The following DYSF variants were observed in gnomAD, a reference collection of about 807,000 sequenced individuals.
The protein encoded by DYSF is dysferlin.
A neutral mutation model predicts 274.9 loss-of-function variants in DYSF; 212 were observed. The observed-to-expected ratio is 0.77, with a 90% CI of 0.69 to 0.86. DYSF has a LOEUF of 0.86. Ranked by LOEUF, DYSF falls within the 40% of genes least tolerant of loss-of-function variation. The probability of loss-of-function intolerance (pLI) is 0.00; values close to 1 mark genes in which losing one functional copy is unlikely to be tolerated. For missense variants in DYSF, 2,666 were observed against 2,783.2 expected (o/e 0.96, Z 0.95); for synonymous variants, 1,091 against 1,078.7 (o/e 1.01, Z -0.22).
chr2:71,641,844 A>G (rs141967615), intron 41 of DYSF, among the ~76,000 whole-genome samples: 6 of 152,284 alleles, frequency 3.9e-5, no homozygotes, highest in South Asian at 2.1e-4. Flanking sequence ...TTATTGCAGT[A>G]TGGTCAGAAA....
At chr2:71,520,971 C>A in intron 12 of DYSF, 67 bp downstream of exon 12, 2 of 1,347,858 alleles carry the variant, frequency 1.5e-6, no homozygotes, top group Non-Finnish European at 1.1e-6. Context: ...AGGCACCAAA[C>A]CACAAACAAA....
chr2:71,646,250 T>C (rs930547077), intron 42 of DYSF, among the ~76,000 whole-genome samples: 1 of 152,222 alleles, frequency 6.6e-6, no homozygotes, highest in African/African-American at 2.4e-5. Flanking sequence ...TGTGGTCCTG[T>C]GGCCTTGCCA....
chr2:71,466,919 G>C lies in DYSF; in HGVS notation c.77G>C (p.Ser26Thr), dbSNP rs1342818734. 1.3e-6 allele frequency: 2 copies of C among 1,549,984 alleles called. No individual in the cohort carries two copies. Among genetic ancestry groups the C allele is most frequent in the African/African-American group, 2.7e-5 (2 of 73,054 alleles). Residue 26 changes from serine (S) to threonine (T), a missense_variant, in exon 1 of 56, where the codon AGC becomes ACC. Coordinates refer to ENST00000410020, the MANE Select transcript of DYSF (RefSeq NM_001130987.2). ...KKDRRSDPVASLTFRGVKKRT... is the reference protein window; with the variant it reads ...KKDRRSDPVATLTFRGVKKRT... ...GACCGGCGCAGCGACCCTGTCGCAA[G>C]CCTGACTTTCCGAGGTGAGAGCCCC... is the stretch of plus-strand genomic sequence containing the variant.
chr2:71,641,803 AT>A (rs1205600832), intron 41 of DYSF, among the ~76,000 whole-genome samples: 1 of 152,090 alleles, frequency 6.6e-6, no homozygotes, highest in Admixed American at 6.5e-5. Context: ...AAAGGTTAGT[AT>A]TTTATTTAAA....
chr2:71,475,179 C>T lies in DYSF; in HGVS notation c.92-5704C>T, dbSNP rs190997441. ...AAGTGGTTCAGCCAGGACCCTTCCC[C>T]CACATGGCGCCTCCTTTCTTCCTCC... On this transcript the variant is annotated intron_variant, in intron 1 of 55. Coordinates refer to ENST00000410020, the MANE Select transcript of DYSF (RefSeq NM_001130987.2). Among the ~76,000 whole-genome samples, 8 of 152,342 alleles carry T rather than the reference C, an allele frequency of 5.3e-5. No homozygotes were observed. The East Asian group carries it at 1.4e-3, about 26-fold the overall frequency.
chr2:71,480,577 G>T (rs1357041034), intron 1 of DYSF, among the ~76,000 whole-genome samples: 7 of 152,038 alleles, frequency 4.6e-5, no homozygotes, highest in African/African-American at 1.7e-4. Context: ...ACTACAATCA[G>T]AAAATTTATA....
At chr2:71,543,920 GAGA>G (rs1454599280) in intron 17 of DYSF, among the ~76,000 whole-genome samples, 1 of 149,774 alleles carries the variant, frequency 6.7e-6, no homozygotes, top group Non-Finnish European at 1.5e-5. Flanking sequence ...GAGGGGGAGG[GAGA>G]AGGAGAGGGA....
chr2:71,547,996 C>T (rs905775843), intron 17 of DYSF, among the ~76,000 whole-genome samples: 1 of 152,102 alleles, frequency 6.6e-6, no homozygotes, highest in Non-Finnish European at 1.5e-5. Flanking sequence ...GGCCACTGCT[C>T]TCCTCGGGCC....
At chr2:71,485,833 A>G (rs2083315064) in intron 3 of DYSF, among the ~76,000 whole-genome samples, 2 of 152,298 alleles carry the variant, frequency 1.3e-5, no homozygotes, top group Admixed American at 1.3e-4. Context: ...TTTATTTTTG[A>G]GATGGAGTCT....
At chr2:71,570,183 T>G in intron 27 of DYSF, 46 bp from the exon 28 acceptor site, 1 of 1,549,808 alleles carries the variant, frequency 6.5e-7, no homozygotes, top group Non-Finnish European at 8.9e-7. Context: ...CCTGCTCACA[T>G]CTGTCTGTCT....
At chr2:71,465,340 G>A (rs574811468), upstream of DYSF, among the ~76,000 whole-genome samples, 69 of 152,272 alleles carry the variant, frequency 4.5e-4, 2 homozygotes, top group South Asian at 0.014. Flanking sequence ...GCCGAGGGCG[G>A]GCGTTAGAAG....
chr2:71,620,457 G>A, intron 40 of DYSF, 90 bp from the exon 41 acceptor site: 12 of 1,362,682 alleles, frequency 8.8e-6, no homozygotes, highest in South Asian at 2.5e-5. Flanking sequence ...GAGGGTGCCT[G>A]GTCAGAGAGC....
At chr2:71,539,323 G>A (rs1417244229) in intron 17 of DYSF, 84 bp downstream of exon 17, 8 of 1,262,814 alleles carry the variant, frequency 6.3e-6, no homozygotes, top group Non-Finnish European at 8.1e-6. Context: ...CTAGTTTTGA[G>A]AGTTTGCAGA....
intron 17 of DYSF, among the ~76,000 whole-genome samples, chr2:71,542,528 C>A (rs2090016811): frequency 2.0e-5 from 3 of 152,100 alleles, no homozygotes. Context: ...GGGCCTTCCG[C>A]AGTGTTTGTG....
chr2:71,492,707 C>G (rs913492817), intron 3 of DYSF, among the ~76,000 whole-genome samples: 32 of 141,968 alleles, frequency 2.3e-4, no homozygotes, highest in Non-Finnish European at 3.4e-4. Context: ...CTCCCCCCCC[C>G]CCTTTTCTTT....
At chr2:71,462,669 G>A (rs139131050), upstream of DYSF, among the ~76,000 whole-genome samples, 220 of 152,318 alleles carry the variant, frequency 1.4e-3, no homozygotes, top group African/African-American at 4.4e-3. Flanking sequence ...CAGGAAACCC[G>A]AAGTGGGTAG....
In DYSF at chr2:71,570,699, C is replaced by A. The variant is rs1471242249; in HGVS notation, c.3186C>A (p.Arg1062=). ...YYTHRRRRWV[R]LRRRDLSQME... ...CACACCGACGGCGGCGCTGGGTGCG[C>A]CTGCGCAGGAGGGATCTCAGCCAAA... The change falls in exon 29 of 56, where the codon CGC becomes CGA. Residue 1062 remains arginine, a synonymous_variant. Transcript: ENST00000410020. The A allele has an allele frequency of 6.2e-7, 1 of 1,614,024 alleles. No individual in the cohort carries two copies. The highest frequency in any genetic ancestry group is 8.5e-7 in the Non-Finnish European group (1 of 1,179,950).
intron 23 of DYSF, among the ~76,000 whole-genome samples, chr2:71,563,425 C>T (rs936132840): frequency 2.0e-5 from 3 of 152,144 alleles, no homozygotes; most frequent in African/African-American, 7.2e-5. Context: ...GCAAATGGAC[C>T]CTTACCCAAT....
At chr2:71,509,082 C>T (rs534090837) in intron 4 of DYSF, among the ~76,000 whole-genome samples, 1 of 152,188 alleles carries the variant, frequency 6.6e-6, no homozygotes, top group East Asian at 1.9e-4. Context: ...TCTTGAACCC[C>T]TGACCTCAGG....
Sources: allele counts gnomAD v4.1 joint callset (sites outside exome capture counted in the v4.1 genomes callset), GRCh38; gene constraint gnomAD v4.1.1; transcripts MANE v1.5; gene names NCBI Gene and HGNC (gene_info 2026-07-23, HGNC 2026-07-21).